ALCAM: variants seen among roughly 807,000 people sequenced by gnomAD.
The protein encoded by ALCAM is activated leukocyte cell adhesion molecule, also known as CD166 antigen.
ALCAM carries 30 observed loss-of-function variants against 70.9 expected under a neutral mutation model. The observed-to-expected ratio is 0.42, with a 90% CI of 0.32 to 0.57. The LOEUF (loss-of-function observed/expected upper bound fraction) is 0.57. Ranked by LOEUF, ALCAM falls within the 20% of genes least tolerant of loss-of-function variation. The pLI is 0.11. For missense variants in ALCAM, 591 were observed against 695.1 expected (o/e 0.85, Z 1.68); for synonymous variants, 249 against 242.5 (o/e 1.03, Z -0.25).
intron 14 of ALCAM, among the ~76,000 whole-genome samples, chr3:105,563,546 A>AC (rs1238767862): frequency 6.6e-6 from 1 of 151,458 alleles, no homozygotes; most frequent in Admixed American, 6.6e-5. Flanking sequence ...TCCTCTCAGC[A>AC]CTGTTACCTG....
chr3:105,473,426 G>C (rs1576186509), intron 1 of ALCAM, among the ~76,000 whole-genome samples: 1 of 151,584 alleles, frequency 6.6e-6, no homozygotes, highest in Admixed American at 6.6e-5. Context: ...GTATCCCATG[G>C]TCTTTTATTA....
intron 1 of ALCAM, among the ~76,000 whole-genome samples, chr3:105,393,306 A>T (rs1935868469): frequency 6.6e-6 from 1 of 151,638 alleles, no homozygotes; most frequent in African/African-American, 2.4e-5. Context: ...GAGGATATCT[A>T]CTAAAAAAAA....
At chr3:105,466,028 T>C (rs1054036881) in intron 1 of ALCAM, among the ~76,000 whole-genome samples, 1 of 151,506 alleles carries the variant, frequency 6.6e-6, no homozygotes, top group Non-Finnish European at 1.5e-5. Context: ...ATTCATCTTT[T>C]ATTGAAAGCA....
chr3:105,429,594 T>C (rs1196899007), intron 1 of ALCAM, among the ~76,000 whole-genome samples: 1 of 152,028 alleles, frequency 6.6e-6, no homozygotes, highest in African/African-American at 2.4e-5. Flanking sequence ...AAACAGCTGG[T>C]ATCCCTGTGA....
At chr3:105,495,945 A>G (rs13075944) in intron 1 of ALCAM, among the ~76,000 whole-genome samples, 40,698 of 152,140 alleles carry the variant, frequency 0.27, 5,893 homozygotes, top group Admixed American at 0.45. Context: ...CTCAAAGCCC[A>G]AATAGTTCCA....
At position 105,541,756 on chromosome 3, in the gene ALCAM, A is replaced by G; in HGVS notation, c.982A>G (p.Thr328Ala). The G allele has an allele frequency of 6.2e-7, 1 of 1,611,934 alleles. No individual in the cohort carries two copies. Among genetic ancestry groups the G allele is most frequent in the African/African-American group, 1.3e-5 (1 of 74,860 alleles). Residue 328 changes from threonine to alanine, a missense_variant, in exon 8 of 16, where the codon ACA becomes GCA. This residue lies in a region of ALCAM where 427 missense variants were observed against 450.4 expected (regional missense o/e 0.95). Coordinates refer to ENST00000306107, the MANE Select transcript of ALCAM (RefSeq NM_001627.4). The part of the protein sequence containing the change: ...KKSMIASTAI[T>A]VHYLDLSLNP... ...AAGCATGATTGCTTCAACAGCTATC[A>G]CAGTTCACTGTAAGTCACCTACTTC...
rs371368118 is a variant in ALCAM at position 105,552,700 on chromosome 3, A to G, written c.1664+115A>G. 4.5e-6 allele frequency: 7 copies of G among 1,549,692 alleles called. No homozygotes were observed. In the East Asian group the frequency reaches 1.4e-4, roughly 30 times the overall value. On this transcript the variant is annotated intron_variant, in intron 14 of 15. Transcript: ENST00000306107. ...ATAATTTATACAATAAGGAAGATGT[A>G]TCCCCAAATCAGGTTGATTATATAT...
intron 1 of ALCAM, among the ~76,000 whole-genome samples, chr3:105,429,214 T>TC (rs1936866870): frequency 6.6e-6 from 1 of 151,960 alleles, no homozygotes; most frequent in South Asian, 2.1e-4. Flanking sequence ...ATCAGTAGAC[T>TC]CAGAATAAAA....
At chr3:105,552,789 C>T in intron 14 of ALCAM, 1 of 1,375,084 alleles carries the variant, frequency 7.3e-7, no homozygotes, top group Non-Finnish European at 9.4e-7. Flanking sequence ...TACTGTTTCA[C>T]ATGTGTCCGT....
At chr3:105,380,288 G>A (rs1360340258) in intron 1 of ALCAM, among the ~76,000 whole-genome samples, 1 of 151,670 alleles carries the variant, frequency 6.6e-6, no homozygotes, top group Non-Finnish European at 1.5e-5. Flanking sequence ...GAAAGAAGTT[G>A]TTGGGTTGAT....
intron 1 of ALCAM, among the ~76,000 whole-genome samples, chr3:105,450,910 C>T (rs1039298270): frequency 2.0e-5 from 3 of 151,934 alleles, no homozygotes; most frequent in African/African-American, 4.8e-5. Context: ...ATTTAAACTT[C>T]GTTCAGAAGA....
At chr3:105,452,432 C>G (rs1937451368) in intron 1 of ALCAM, among the ~76,000 whole-genome samples, 1 of 152,176 alleles carries the variant, frequency 6.6e-6, no homozygotes, top group Non-Finnish European at 1.5e-5. Flanking sequence ...GATAGTCTTC[C>G]ATGATGTATA....
chr3:105,505,455 C>T (rs142266257), intron 1 of ALCAM, among the ~76,000 whole-genome samples: 1 of 152,118 alleles, frequency 6.6e-6, no homozygotes, highest in Non-Finnish European at 1.5e-5. Context: ...CGCCCATAAT[C>T]CAGTCACCTC....
intron 5 of ALCAM, 80 bp downstream of exon 5, chr3:105,533,770 C>T: frequency 1.5e-6 from 2 of 1,337,918 alleles, no homozygotes. Context: ...TTCTTTAAAC[C>T]AGTGGTCTCC....
chr3:105,374,416 C>T (rs1020496868), intron 1 of ALCAM, among the ~76,000 whole-genome samples: 5 of 152,040 alleles, frequency 3.3e-5, no homozygotes, highest in Non-Finnish European at 7.4e-5. Flanking sequence ...TAAAAAAGAA[C>T]GTAATGCTCT....
At chr3:105,479,480 T>C (rs2152606898) in intron 1 of ALCAM, among the ~76,000 whole-genome samples, 1 of 152,306 alleles carries the variant, frequency 6.6e-6, no homozygotes, top group Middle Eastern at 3.4e-3. Flanking sequence ...TTGCTAATAT[T>C]TTAATGACAT....
At chr3:105,422,932 G>A (rs539389587) in intron 1 of ALCAM, among the ~76,000 whole-genome samples, 39 of 151,408 alleles carry the variant, frequency 2.6e-4, no homozygotes, top group Admixed American at 1.4e-3. Flanking sequence ...GTACTAGTTC[G>A]GCCTTGAAAA....
At chr3:105,388,446 T>G (rs1576126833) in intron 1 of ALCAM, among the ~76,000 whole-genome samples, 1 of 151,708 alleles carries the variant, frequency 6.6e-6, no homozygotes, top group East Asian at 1.9e-4. Flanking sequence ...CTTCTACCTC[T>G]TAGAGTATTA....
chr3:105,369,922 A>G (rs1170213115), intron 1 of ALCAM, among the ~76,000 whole-genome samples: 2 of 152,162 alleles, frequency 1.3e-5, no homozygotes, highest in African/African-American at 4.8e-5. Context: ...CCGAGATAGC[A>G]ATATTCTCGT....
Sources: gnomAD v4.1 joint callset for allele counts (sites outside exome capture counted in the v4.1 genomes callset) on GRCh38, gnomAD v4.1.1 for gene constraint, gnomAD v4.1.1 regional missense constraint, MANE v1.5 for transcripts, NCBI Gene and HGNC (gene_info 2026-07-23, HGNC 2026-07-21) for gene names.